The following XKR9 variants were observed in gnomAD, a reference collection of about 807,000 sequenced individuals.
The protein encoded by XKR9 is XK related 9, also known as XK-related protein 9.
In XKR9, 32 loss-of-function variants were observed where a neutral mutation model predicts 32.0. That is an observed-to-expected ratio of 1.00 (90% CI 0.76 to 1.34). The LOEUF (loss-of-function observed/expected upper bound fraction) is 1.34. Among genes scored for constraint, XKR9 ranks in the 40% most tolerant of loss-of-function variants. The probability of loss-of-function intolerance (pLI) is 0.00; values close to 1 mark genes in which losing one functional copy is unlikely to be tolerated. For missense variants in XKR9, 546 were observed against 429.7 expected, an observed-to-expected ratio of 1.27 and a Z score of -2.39; for synonymous variants, 168 against 143.4, an observed-to-expected ratio of 1.17 and a Z score of -1.22.
At chr8:70,693,651 G>A (rs901768640) in intron 3 of XKR9, among the ~76,000 whole-genome samples, 5 of 152,210 alleles carry the variant, frequency 3.3e-5, no homozygotes, top group African/African-American at 1.2e-4. Context: ...CCACCCCAGA[G>A]AGTTGCAGGT....
the XKR9 span, among the ~76,000 whole-genome samples, chr8:70,863,104 A>G: frequency 2.6e-5 from 4 of 152,164 alleles, no homozygotes; most frequent in Non-Finnish European, 4.4e-5. Flanking sequence ...GGTAGGAGCC[A>G]GAGAGACTAG....
intron 3 of XKR9, among the ~76,000 whole-genome samples, chr8:70,704,430 A>G (rs1286538576): frequency 6.6e-6 from 1 of 152,154 alleles, no homozygotes; most frequent in East Asian, 1.9e-4. Context: ...GAGACACTTA[A>G]CATGTGCCAG....
chr8:70,921,673 T>A, the XKR9 span, among the ~76,000 whole-genome samples: 1 of 152,204 alleles, frequency 6.6e-6, no homozygotes, highest in African/African-American at 2.4e-5. Context: ...GGCTGTGTAA[T>A]TTTATGGCAG....
the XKR9 span, among the ~76,000 whole-genome samples, chr8:71,052,613 T>C: frequency 6.6e-6 from 1 of 152,204 alleles, no homozygotes; most frequent in Non-Finnish European, 1.5e-5. Context: ...CAAGCAGGCA[T>C]GCAGACAGTC....
chr8:70,769,331 T>C (rs1314237362), intron 2 of XKR9, among the ~76,000 whole-genome samples: 1 of 152,094 alleles, frequency 6.6e-6, no homozygotes, highest in Admixed American at 6.6e-5. Context: ...GGCTTCCCTT[T>C]GTGGGTTATC....
chr8:70,947,836 G>A, the XKR9 span, among the ~76,000 whole-genome samples: 1 of 152,064 alleles, frequency 6.6e-6, no homozygotes, highest in Non-Finnish European at 1.5e-5. Flanking sequence ...AAACTGTAAG[G>A]TATTTGATTC....
the XKR9 span, among the ~76,000 whole-genome samples, chr8:70,836,825 G>C: frequency 6.6e-6 from 1 of 151,950 alleles, no homozygotes; most frequent in Admixed American, 6.6e-5. Context: ...TGGGCACTGG[G>C]GATAAGTTGT....
chr8:70,930,210 A>G, the XKR9 span, among the ~76,000 whole-genome samples: 4 of 152,170 alleles, frequency 2.6e-5, no homozygotes, highest in Admixed American at 6.6e-5. Context: ...ATATAAGCCT[A>G]TATCTACTAA....
the XKR9 span, among the ~76,000 whole-genome samples, chr8:70,996,890 A>G: frequency 6.6e-6 from 1 of 152,220 alleles, no homozygotes; most frequent in African/African-American, 2.4e-5. Context: ...TTGAAGACAC[A>G]AAGATGCCAA....
chr8:70,797,556 C>A, the XKR9 span, among the ~76,000 whole-genome samples: 1 of 150,762 alleles, frequency 6.6e-6, no homozygotes, highest in Non-Finnish European at 1.5e-5. Context: ...ACAATAACTG[C>A]AGATTTTTTT....
At chr8:70,717,765 A>T (rs926379345) in intron 4 of XKR9, among the ~76,000 whole-genome samples, 1 of 152,234 alleles carries the variant, frequency 6.6e-6, no homozygotes, top group African/African-American at 2.4e-5. Context: ...CAAATTCTGC[A>T]GTGGGCTTGA....
chr8:70,884,702 G>A, the XKR9 span, among the ~76,000 whole-genome samples: 2 of 152,088 alleles, frequency 1.3e-5, no homozygotes, highest in Non-Finnish European at 2.9e-5. Context: ...CTATATTTGT[G>A]TGGGTCTGTT....
chr8:70,829,188 G>T, the XKR9 span, among the ~76,000 whole-genome samples: 1 of 152,206 alleles, frequency 6.6e-6, no homozygotes, highest in African/African-American at 2.4e-5. Context: ...ACAAATGTGT[G>T]ACATTTTGTG....
At chr8:70,771,731 A>T (rs1246127958) in intron 2 of XKR9, among the ~76,000 whole-genome samples, 2 of 152,008 alleles carry the variant, frequency 1.3e-5, no homozygotes, top group Non-Finnish European at 2.9e-5. Flanking sequence ...ATGTTCCTTA[A>T]CTCTGTCCAC....
chr8:70,854,932 G>A, the XKR9 span, among the ~76,000 whole-genome samples: 1 of 152,144 alleles, frequency 6.6e-6, no homozygotes, highest in African/African-American at 2.4e-5. Flanking sequence ...TAGCCTTGTA[G>A]TATAGTTTGA....
rs188863265 is a variant in XKR9 at position 70,766,937 on chromosome 8, C to T, written n.353-22402C>T. ...TATGTTGAACTAACCATGCATCCCA[C>T]GGATGAAACCAACTTGATTGTGGTG... is the stretch of plus-strand genomic sequence containing the variant. On this transcript the variant is annotated intron_variant and non_coding_transcript_variant, in intron 2 of 3. Transcript: ENST00000520273. Among the ~76,000 whole-genome samples, 1,241 of 152,270 alleles carry T rather than the reference C, an allele frequency of 8.1e-3. 20 individuals are homozygous for T. The highest frequency in any genetic ancestry group is 0.012 in the Non-Finnish European group (842 of 68,012).
the XKR9 span, among the ~76,000 whole-genome samples, chr8:71,008,074 T>C: frequency 2.0e-5 from 3 of 152,160 alleles, no homozygotes; most frequent in South Asian, 6.2e-4. Context: ...ACTATAAGAA[T>C]GTTTTACAAA....
At chr8:71,019,764 A>T in the XKR9 span, among the ~76,000 whole-genome samples, 1 of 152,188 alleles carries the variant, frequency 6.6e-6, no homozygotes, top group Non-Finnish European at 1.5e-5. Context: ...GATGTTATCC[A>T]TTAAGGTGAA....
chr8:70,687,552 T>A (rs35544920), intron 3 of XKR9, among the ~76,000 whole-genome samples: 50,062 of 151,690 alleles, frequency 0.33, 9,382 homozygotes, highest in Middle Eastern at 0.43. Context: ...TATTTTTTTG[T>A]ACAGATGGGG....
Sources: allele counts gnomAD v4.1 joint callset (sites outside exome capture counted in the v4.1 genomes callset), GRCh38; gene constraint gnomAD v4.1.1; transcripts MANE v1.5; gene names NCBI Gene and HGNC (gene_info 2026-07-23, HGNC 2026-07-21).